Variants in ARB2A observed in about 807,000 individuals in gnomAD.
ARB2A encodes the protein cotranscriptional regulator ARB2A.
the ARB2A span, among the ~76,000 whole-genome samples, chr5:93,718,265 C>T: frequency 6.6e-5 from 10 of 151,856 alleles, no homozygotes; most frequent in Non-Finnish European, 8.8e-5. Context: ...CATGGTGAAA[C>T]CCCTACCAAA....
chr5:93,624,992 C>T, the ARB2A span, among the ~76,000 whole-genome samples: 5 of 151,960 alleles, frequency 3.3e-5, no homozygotes, highest in African/African-American at 1.2e-4. Flanking sequence ...AGAGTCTTAC[C>T]AAGAGTGGTT....
the ARB2A span, among the ~76,000 whole-genome samples, chr5:94,067,042 A>C: frequency 6.6e-6 from 1 of 152,244 alleles, no homozygotes; most frequent in Admixed American, 6.5e-5. Flanking sequence ...AACATATGCA[A>C]ATCAATTAGT....
chr5:93,868,567 G>C, the ARB2A span, among the ~76,000 whole-genome samples: 1 of 152,168 alleles, frequency 6.6e-6, no homozygotes, highest in Admixed American at 6.5e-5. Flanking sequence ...GCTGAAATCA[G>C]GGTGAGGATA....
At chr5:93,797,507 C>G in the ARB2A span, among the ~76,000 whole-genome samples, 1 of 152,040 alleles carries the variant, frequency 6.6e-6, no homozygotes, top group Admixed American at 6.6e-5. Context: ...TTACATCACA[C>G]CTTTTGTTAA....
chr5:94,059,320 G>A, the ARB2A span, among the ~76,000 whole-genome samples: 1 of 152,018 alleles, frequency 6.6e-6, no homozygotes, highest in Admixed American at 6.5e-5. Context: ...CTGAAAATAG[G>A]TGATAAAGAT....
chr5:93,663,415 T>C, the ARB2A span, among the ~76,000 whole-genome samples: 125 of 152,290 alleles, frequency 8.2e-4, no homozygotes, highest in African/African-American at 2.9e-3. Context: ...TCTTTTCCAT[T>C]TGGGCTAAAC....
the ARB2A span, among the ~76,000 whole-genome samples, chr5:93,928,054 T>C: frequency 5.3e-5 from 8 of 152,156 alleles, no homozygotes; most frequent in East Asian, 1.5e-3. Flanking sequence ...CTGGAAGTTA[T>C]GGAAAGTTAA....
the ARB2A span, among the ~76,000 whole-genome samples, chr5:93,706,084 C>G: frequency 6.6e-6 from 1 of 152,086 alleles, no homozygotes; most frequent in Admixed American, 6.6e-5. Context: ...CAAACAAACA[C>G]TTATACATGA....
At chr5:93,959,878 G>A in the ARB2A span, among the ~76,000 whole-genome samples, 1 of 151,974 alleles carries the variant, frequency 6.6e-6, no homozygotes, top group Non-Finnish European at 1.5e-5. Context: ...CACACTGAGT[G>A]GTATACCACA....
the ARB2A span, among the ~76,000 whole-genome samples, chr5:93,654,374 A>G: frequency 6.6e-6 from 1 of 152,170 alleles, no homozygotes; most frequent in Admixed American, 6.5e-5. Context: ...GGAGAATGCT[A>G]TAGGAGCATA....
chr5:93,903,272 G>A, the ARB2A span, among the ~76,000 whole-genome samples: 1 of 151,972 alleles, frequency 6.6e-6, no homozygotes, highest in African/African-American at 2.4e-5. Flanking sequence ...ACAATTGGGG[G>A]TGAGTTATTG....
chr5:93,873,948 C>T, the ARB2A span, among the ~76,000 whole-genome samples: 19 of 152,102 alleles, frequency 1.2e-4, no homozygotes, highest in Non-Finnish European at 2.6e-4. Flanking sequence ...TACTTTCTAC[C>T]ACATGAAAGG....
the ARB2A span, among the ~76,000 whole-genome samples, chr5:93,987,744 G>C: frequency 6.6e-6 from 1 of 152,044 alleles, no homozygotes; most frequent in Non-Finnish European, 1.5e-5. Context: ...CCTTTTATCT[G>C]CTCTAAAGAA....
chr5:93,984,251 A>G, the ARB2A span, among the ~76,000 whole-genome samples: 4 of 152,186 alleles, frequency 2.6e-5, no homozygotes, highest in Non-Finnish European at 2.9e-5. Flanking sequence ...AACCATATAT[A>G]TAAGTGTGAA....
At chr5:93,749,294 C>T in the ARB2A span, among the ~76,000 whole-genome samples, 2 of 152,048 alleles carry the variant, frequency 1.3e-5, no homozygotes, top group South Asian at 4.2e-4. Flanking sequence ...TGTGATTGGC[C>T]ATTGATCATG....
the ARB2A span, among the ~76,000 whole-genome samples, chr5:93,950,864 A>C: frequency 6.6e-6 from 1 of 151,714 alleles, no homozygotes; most frequent in Non-Finnish European, 1.5e-5. Context: ...GAATCACTTG[A>C]ACCCAGGAGG....
the ARB2A span, among the ~76,000 whole-genome samples, chr5:93,876,303 C>T: frequency 1.2e-4 from 19 of 152,248 alleles, no homozygotes; most frequent in African/African-American, 4.3e-4. Flanking sequence ...AAAATTCCAT[C>T]TTATTACAAA....
chr5:94,003,118 G>A, the ARB2A span, among the ~76,000 whole-genome samples: 2 of 152,058 alleles, frequency 1.3e-5, no homozygotes, highest in African/African-American at 2.4e-5. Flanking sequence ...CTGGCACCAT[G>A]ACAAGCCAAA....
chr5:93,619,352 CTTTAA>C, the ARB2A span: 1 of 152,268 alleles, frequency 6.6e-6, no homozygotes, highest in African/African-American at 2.4e-5. Flanking sequence ...GAAAAAACAT[CTTTAA>C]TTTGTCATCA....
Sources: gnomAD v4.1 joint callset for allele counts (sites outside exome capture counted in the v4.1 genomes callset) on GRCh38, gnomAD v4.1.1 for gene constraint, MANE v1.5 for transcripts, NCBI Gene and HGNC (gene_info 2026-07-23, HGNC 2026-07-21) for gene names.